Variants in FOXP2 observed in about 807,000 individuals in gnomAD.
The protein encoded by FOXP2 is forkhead box P2.
Under a neutral mutation model 115.8 loss-of-function variants are expected in FOXP2, and 12 were observed. The ratio of observed to expected loss-of-function variants is 0.10; its 90% CI spans 0.07 to 0.17. The LOEUF (loss-of-function observed/expected upper bound fraction) is 0.17. Ranked by LOEUF, FOXP2 falls within the 10% of genes least tolerant of loss-of-function variation. The pLI is 1.00. For synonymous variants in FOXP2, 328 were observed against 297.7 expected, an observed-to-expected ratio of 1.10 and a Z score of -1.05; for missense variants, 629 against 843.5, an observed-to-expected ratio of 0.75 and a Z score of 3.15.
chr7:114,256,639 C>T (rs910699995), intron 1 of FOXP2, among the ~76,000 whole-genome samples: 1 of 152,152 alleles, frequency 6.6e-6, no homozygotes, highest in African/African-American at 2.4e-5. Context: ...ATATTTTACC[C>T]ATTCTGTGGG....
At chr7:114,550,911 G>A (rs1200763649) in intron 3 of FOXP2, among the ~76,000 whole-genome samples, 1 of 152,172 alleles carries the variant, frequency 6.6e-6, no homozygotes, top group African/African-American at 2.4e-5. Context: ...GTTTGATATG[G>A]TTATGTTATT....
At position 114,515,351 on chromosome 7, in the gene FOXP2, C is replaced by T. The variant is rs964493521; in HGVS notation, c.169-19266C>T. 3.1e-3 allele frequency among the ~76,000 whole-genome samples: 465 copies of T among 151,426 alleles called. 3 individuals carry two copies. The highest frequency in any genetic ancestry group is 0.011 in the African/African-American group (458 of 41,188). On this transcript the variant is annotated intron_variant, in intron 2 of 16. Transcript: ENST00000350908. ...TCCCACCAACAGTGTAACAGTGTTC[C>T]TATTTCTCCACATCCTCTCCAGCAC...
chr7:114,402,526 T>C (rs1792910395), intron 2 of FOXP2, among the ~76,000 whole-genome samples: 1 of 152,136 alleles, frequency 6.6e-6, no homozygotes, highest in Non-Finnish European at 1.5e-5. Flanking sequence ...GAGGACCTAC[T>C]GGGTGCTAGA....
intron 1 of FOXP2, among the ~76,000 whole-genome samples, chr7:114,186,305 C>A (rs946074730): frequency 6.6e-6 from 1 of 152,076 alleles, no homozygotes; most frequent in Non-Finnish European, 1.5e-5. Context: ...GGGTGAGACT[C>A]AAGGCACCAT....
chr7:114,515,550 C>G (rs1798294604), intron 2 of FOXP2, among the ~76,000 whole-genome samples: 2 of 152,180 alleles, frequency 1.3e-5, no homozygotes, highest in South Asian at 4.1e-4. Context: ...CCTTTGCCCA[C>G]TTTTTGATGG....
intron 3 of FOXP2, among the ~76,000 whole-genome samples, chr7:114,549,188 C>T (rs533612245): frequency 3.9e-5 from 6 of 152,260 alleles, no homozygotes; most frequent in East Asian, 3.9e-4. Context: ...GATACTTTGC[C>T]CCAGTGATCA....
Position 114,181,964 on chromosome 7 carries a change from G to A in FOXP2, c.-102+18876G>A, listed in dbSNP as rs376580202. ...ATGAAGCTGAACTTTAGTGAAATAAGGCATGGAATGAACAAATTTCTTTTA... is the reference window on the plus strand; with the variant it reads ...ATGAAGCTGAACTTTAGTGAAATAAAGCATGGAATGAACAAATTTCTTTTA... On this transcript the variant is annotated intron_variant, in intron 1 of 17. Transcript: ENST00000634411. Among the ~76,000 whole-genome samples the A allele has an allele frequency of 1.3e-4, 20 of 151,966 alleles. No homozygotes were observed. The East Asian group carries it at 1.4e-3, about 10-fold the overall frequency.
At chr7:114,486,381 C>T (rs536190306) in intron 2 of FOXP2, among the ~76,000 whole-genome samples, 1 of 152,236 alleles carries the variant, frequency 6.6e-6, no homozygotes, top group East Asian at 1.9e-4. Flanking sequence ...TACTTACCCC[C>T]ACCAGTTTCT....
At chr7:114,253,287 T>C (rs1003739657) in intron 1 of FOXP2, among the ~76,000 whole-genome samples, 1 of 151,952 alleles carries the variant, frequency 6.6e-6, no homozygotes, top group African/African-American at 2.4e-5. Context: ...GGGTGGAGAG[T>C]TCTGTAGATG....
At chr7:114,086,700 T>C (rs551030223), upstream of FOXP2, 28 of 244,484 alleles carry the variant, frequency 1.1e-4, no homozygotes, top group African/African-American at 5.9e-4. Context: ...GCTGCGACTT[T>C]ACTCTGCTCC....
intron 2 of FOXP2, among the ~76,000 whole-genome samples, chr7:114,344,730 T>C (rs1169844884): frequency 2.0e-5 from 3 of 151,846 alleles, no homozygotes; most frequent in Non-Finnish European, 4.4e-5. Context: ...AAATTTTGAT[T>C]GAATTCTTGT....
At chr7:114,584,010 T>A (rs761966913) in intron 3 of FOXP2, among the ~76,000 whole-genome samples, 4 of 152,198 alleles carry the variant, frequency 2.6e-5, no homozygotes, top group Non-Finnish European at 5.9e-5. Context: ...CACACACCCT[T>A]TGAGGTATTA....
At chr7:114,592,285 C>T (rs569265353) in intron 3 of FOXP2, among the ~76,000 whole-genome samples, 5 of 151,982 alleles carry the variant, frequency 3.3e-5, no homozygotes, top group Admixed American at 2.0e-4. Context: ...TCTTATCAGT[C>T]TTATATTTTT....
At chr7:114,493,608 G>C (rs1381626906) in intron 2 of FOXP2, among the ~76,000 whole-genome samples, 2 of 151,838 alleles carry the variant, frequency 1.3e-5, no homozygotes, top group Non-Finnish European at 2.9e-5. Context: ...CATTTATACA[G>C]GGAGAAAATA....
chr7:114,257,153 C>A (rs1382893623), intron 1 of FOXP2, among the ~76,000 whole-genome samples: 1 of 152,164 alleles, frequency 6.6e-6, no homozygotes, highest in East Asian at 1.9e-4. Flanking sequence ...CATCTACAAC[C>A]ATTTGCTCTT....
intron 2 of FOXP2, among the ~76,000 whole-genome samples, chr7:114,329,910 C>G (rs1037671352): frequency 6.6e-6 from 1 of 151,958 alleles, no homozygotes; most frequent in African/African-American, 2.4e-5. Context: ...CTCCTGACCT[C>G]GAGATCCACC....
intron 2 of FOXP2, among the ~76,000 whole-genome samples, chr7:114,342,260 G>A (rs1317745157): frequency 6.6e-6 from 1 of 151,024 alleles, no homozygotes; most frequent in Non-Finnish European, 1.5e-5. Flanking sequence ...TATTATATAA[G>A]TAATACAAAA....
chr7:114,207,411 G>A (rs903946434), intron 1 of FOXP2, among the ~76,000 whole-genome samples: 10 of 152,004 alleles, frequency 6.6e-5, no homozygotes, highest in African/African-American at 2.4e-4. Flanking sequence ...TCACTGTAAG[G>A]AGATTTTAGC....
rs556722425 is a variant in FOXP2, at chr7:114,455,785, C to T, written c.168+29106C>T. Reference sequence around the variant, plus strand: ...ACCCTACCGCTTTTTCTCTTAAAAGCTCCCTAACAGTTTCTCATTGTTTAG... The same window carrying T: ...ACCCTACCGCTTTTTCTCTTAAAAGTTCCCTAACAGTTTCTCATTGTTTAG... On this transcript the variant is annotated intron_variant, in intron 2 of 16. Coordinates refer to ENST00000350908, the MANE Select transcript of FOXP2 (RefSeq NM_014491.4). Among the ~76,000 whole-genome samples, 10 of 152,250 alleles carry T rather than the reference C, an allele frequency of 6.6e-5. No homozygotes were observed. In the South Asian group the frequency reaches 2.1e-3, roughly 32 times the overall value.
Sources: allele counts gnomAD v4.1 joint callset (sites outside exome capture counted in the v4.1 genomes callset), GRCh38; gene constraint gnomAD v4.1.1; transcripts MANE v1.5; gene names NCBI Gene and HGNC (gene_info 2026-07-23, HGNC 2026-07-21).